Variants in ARHGAP23 observed in about 807,000 individuals in gnomAD.
The protein encoded by ARHGAP23 is Rho GTPase activating protein 23, also known as rho GTPase-activating protein 23.
A neutral mutation model predicts 136.3 loss-of-function variants in ARHGAP23; 34 were observed. The observed-to-expected ratio is 0.25, with a 90% confidence interval of 0.19 to 0.33. The LOEUF (loss-of-function observed/expected upper bound fraction) is 0.33. Among genes scored for constraint, ARHGAP23 ranks in the 10% least tolerant of loss-of-function variants. ARHGAP23 has a pLI of 1.00. For missense variants in ARHGAP23, 1,808 were observed against 2,139.0 expected (o/e 0.85, Z 3.05); for synonymous variants, 832 against 920.5 (o/e 0.90, Z 1.74).
Position 38,497,809 on chromosome 17 carries a change from G to A in ARHGAP23, c.3301G>A (p.Glu1101Lys). 3 of 1,551,312 alleles carry A rather than the reference G, an allele frequency of 1.9e-6. No homozygotes were observed. Among genetic ancestry groups the A allele is most frequent in the Non-Finnish European group, 2.6e-6 (3 of 1,146,842 alleles). ...QHSDWFFSDEEDKGERTPVGD... is the reference protein window; with the variant it reads ...QHSDWFFSDEKDKGERTPVGD... ...GTCAGACTGGTTCTTCAGTGACGAA[G>A]AGGACAAGGGAGAGAGAGTAAGTGA... is the stretch of plus-strand genomic sequence containing the variant. The change falls in exon 21 of 24, where the codon GAG becomes AAG. Residue 1101 changes from glutamate (E) to lysine (K), a missense_variant. This residue lies in a region of ARHGAP23 where 104 missense variants were observed against 131.8 expected (regional missense o/e 0.79). Coordinates refer to ENST00000622683, the MANE Select transcript of ARHGAP23 (RefSeq NM_001199417.2).
chr17:38,459,322 G>T (rs1395017497), intron 2 of ARHGAP23, among the ~76,000 whole-genome samples: 1 of 152,214 alleles, frequency 6.6e-6, no homozygotes, highest in Non-Finnish European at 1.5e-5. Flanking sequence ...GTATCTCTCT[G>T]TGTGCATATA....
chr17:38,485,178 TTGTCC>T (rs1469856264), intron 16 of ARHGAP23, among the ~76,000 whole-genome samples: 1 of 152,004 alleles, frequency 6.6e-6, no homozygotes, highest in Admixed American at 6.6e-5. Context: ...TTGTGTGGGG[TTGTCC>T]TGTGCACTGG....
chr17:38,460,460 C>T (rs2039431743), intron 2 of ARHGAP23, among the ~76,000 whole-genome samples: 1 of 152,150 alleles, frequency 6.6e-6, no homozygotes, highest in South Asian at 2.1e-4. Context: ...TGCCTTCTAC[C>T]CGCCACCCTC....
intron 1 of ARHGAP23, among the ~76,000 whole-genome samples, chr17:38,440,540 G>A (rs2038897487): frequency 6.6e-6 from 1 of 152,236 alleles, no homozygotes; most frequent in African/African-American, 2.4e-5. Context: ...GAGAGGGAAA[G>A]GACTTGACCA....
At chr17:38,461,827 G>A (rs2039466860) in intron 3 of ARHGAP23, among the ~76,000 whole-genome samples, 1 of 152,160 alleles carries the variant, frequency 6.6e-6, no homozygotes, top group Admixed American at 6.5e-5. Flanking sequence ...CTTCAGAACT[G>A]TTATGGCCTC....
At chr17:38,497,714 T>C in intron 20 of ARHGAP23, 71 bp from the exon 21 acceptor site, 5 of 1,489,578 alleles carry the variant, frequency 3.4e-6, no homozygotes, top group Non-Finnish European at 4.6e-6. Flanking sequence ...GCGGGTCCTC[T>C]GGAATGAGCA....
intron 1 of ARHGAP23, among the ~76,000 whole-genome samples, chr17:38,445,639 CT>C (rs10708272): frequency 0.38 from 55,129 of 144,754 alleles, 11,062 homozygotes; most frequent in African/African-American, 0.55. Flanking sequence ...TCATTCATTC[CT>C]TTTTTTTTTT....
chr17:38,446,571 A>C (rs1033488044), intron 1 of ARHGAP23, among the ~76,000 whole-genome samples: 2 of 151,576 alleles, frequency 1.3e-5, no homozygotes, highest in African/African-American at 4.8e-5. Flanking sequence ...ATATACCCAG[A>C]AGTGGAATTA....
At chr17:38,461,079 G>A (rs1026871134) in intron 3 of ARHGAP23, 147 bp downstream of exon 3, 17 of 1,434,370 alleles carry the variant, frequency 1.2e-5, no homozygotes, top group Middle Eastern at 1.8e-4. Context: ...CTGTGCCCCT[G>A]GTCTGGCCCC....
intron 20 of ARHGAP23, among the ~76,000 whole-genome samples, chr17:38,491,955 CTT>C: frequency 6.6e-6 from 1 of 152,312 alleles, no homozygotes; most frequent in South Asian, 2.1e-4. Flanking sequence ...GCTCTAGTGA[CTT>C]TCCCTGCTGG....
At chr17:38,457,091 G>A (rs2039343341) in intron 1 of ARHGAP23, among the ~76,000 whole-genome samples, 1 of 152,146 alleles carries the variant, frequency 6.6e-6, no homozygotes, top group Non-Finnish European at 1.5e-5. Context: ...TGTATTTTTG[G>A]TAGAGACAGG....
intron 1 of ARHGAP23, among the ~76,000 whole-genome samples, chr17:38,455,633 A>G (rs1346575009): frequency 6.6e-6 from 1 of 152,178 alleles, no homozygotes; most frequent in Non-Finnish European, 1.5e-5. Context: ...CCAGGACAGC[A>G]GCAAAACAAT....
At chr17:38,457,106 C>T (rs1011878982) in intron 1 of ARHGAP23, among the ~76,000 whole-genome samples, 12 of 152,220 alleles carry the variant, frequency 7.9e-5, no homozygotes, top group Non-Finnish European at 1.6e-4. Flanking sequence ...GACAGGGTTT[C>T]ACCATGTTGG....
chr17:38,454,436 T>A (rs113553256), intron 1 of ARHGAP23, among the ~76,000 whole-genome samples: 6,055 of 151,938 alleles, frequency 0.04, 134 homozygotes, highest in Middle Eastern at 0.086. Flanking sequence ...GACCAGAGCG[T>A]TTGAAGAGAC....
chr17:38,463,043 C>T, intron 4 of ARHGAP23, 75 bp from the exon 5 acceptor site: 1 of 1,536,560 alleles, frequency 6.5e-7, no homozygotes, highest in Non-Finnish European at 8.8e-7. Context: ...CAGTGTTAGC[C>T]ATGCCTGGTA....
At position 38,469,678 on chromosome 17, in the gene ARHGAP23, C is replaced by A. The variant is rs111741635; in HGVS notation, c.1916+43C>A. 5.3e-3 allele frequency: 8,192 copies of A among 1,534,606 alleles called. 21 individuals are homozygous for A. The highest frequency in any genetic ancestry group is 6.4e-3 in the Non-Finnish European group (7,218 of 1,135,778). ...CACGGGGTGGGGTGGCCACAGCCACCGTGGCCAGCTGCTCTGGGGCAGGGC... is the reference window on the plus strand; with the variant it reads ...CACGGGGTGGGGTGGCCACAGCCACAGTGGCCAGCTGCTCTGGGGCAGGGC... On this transcript the variant is annotated intron_variant, in intron 9 of 23. Transcript: ENST00000622683.
chr17:38,482,852 G>A (rs912180877), intron 16 of ARHGAP23, among the ~76,000 whole-genome samples, 174 bp downstream of exon 16: 5 of 152,188 alleles, frequency 3.3e-5, no homozygotes, highest in Non-Finnish European at 5.9e-5. Flanking sequence ...TGGCCAGCCC[G>A]GGGATGGGCA....
Position 38,469,274 on chromosome 17 carries a change from C to G in ARHGAP23, c.1779C>G (p.Leu593=). 1 of 1,551,452 alleles carries G rather than the reference C, an allele frequency of 6.4e-7. No individual in the cohort carries two copies. Among genetic ancestry groups the G allele is most frequent in the East Asian group, 2.4e-5 (1 of 40,914 alleles). Reference sequence around the variant, plus strand: ...CTTCCCCGACCTTCACTTTCACCCTCGGACGCCATTACTCGCAGGACTGCA... The same window carrying G: ...CTTCCCCGACCTTCACTTTCACCCTGGGACGCCATTACTCGCAGGACTGCA... ...SPSSPTFTFT[L]GRHYSQDCSS... The change falls in exon 8 of 24, where the codon CTC becomes CTG. Residue 593 remains leucine (L), a synonymous_variant. Transcript: ENST00000622683.
intron 1 of ARHGAP23, among the ~76,000 whole-genome samples, chr17:38,448,032 C>T (rs559736705): frequency 6.6e-6 from 1 of 152,292 alleles, no homozygotes; most frequent in South Asian, 2.1e-4. Context: ...TGCCATGCTC[C>T]TTGCCTGCTG....
Sources: gnomAD v4.1 joint callset for allele counts (sites outside exome capture counted in the v4.1 genomes callset) on GRCh38, gnomAD v4.1.1 for gene constraint, gnomAD v4.1.1 regional missense constraint, MANE v1.5 for transcripts, NCBI Gene and HGNC (gene_info 2026-07-23, HGNC 2026-07-21) for gene names.